EFCC1: variants seen among roughly 807,000 people sequenced by gnomAD.
EFCC1 encodes the protein EF-hand and coiled-coil domain-containing protein 1.
Under a neutral mutation model 52.1 loss-of-function variants are expected in EFCC1, and 50 were observed. The ratio of observed to expected loss-of-function variants is 0.96; its 90% CI spans 0.76 to 1.21. EFCC1 has a LOEUF of 1.21. EFCC1 is among the 50% of genes most tolerant of loss of function. EFCC1 has a pLI of 0.00. For synonymous variants in EFCC1, 399 were observed against 396.5 expected (o/e 1.01, Z -0.08); for missense variants, 837 against 867.3 (o/e 0.97, Z 0.44).
At position 129,001,699 on chromosome 3, in the gene EFCC1, C is replaced by A. The variant is rs991820304; in HGVS notation, c.71C>A (p.Ala24Glu). The A allele has an allele frequency of 6.7e-7, 1 of 1,498,198 alleles. No homozygotes were observed. The allele number at this position is 1,498,198 out of a possible 1,614,324, so 92.8% of individuals were successfully genotyped here. ...GGAGGTGACCCGTACCGGCGACCTG[C>A]GCGGCGCACGCAGTGGCTGCTGAGC... Reference protein sequence around the residue: ...GAGGDPYRRPARRTQWLLSAL... With the variant: ...GAGGDPYRRPERRTQWLLSAL... Residue 24 changes from alanine (A) to glutamate (E), a missense_variant, in exon 1 of 8, where the codon GCG becomes GAG. Physicochemically the swap from Ala to Glu is moderately radical, Grantham distance 107. Transcript: ENST00000683648.
chr3:129,001,814 C>T lies in EFCC1; in HGVS notation c.186C>T (p.Val62=), dbSNP rs1469660785. 1 of 1,545,502 alleles carries T rather than the reference C, an allele frequency of 6.5e-7. No homozygotes were observed. Among genetic ancestry groups the T allele is most frequent in the Non-Finnish European group, 8.7e-7 (1 of 1,145,804 alleles). The change falls in exon 1 of 8, where the codon GTC becomes GTT. Residue 62 remains valine, a synonymous_variant. Coordinates refer to ENST00000683648, the MANE Select transcript of EFCC1 (RefSeq NM_001377500.1). ...GCCTGGACCAGTACCTGCAGGAGGT[C>T]TTCCACCACCTGGACTGCCGCGGCG... ...ATGLDQYLQE[V]FHHLDCRGAG...
At chr3:129,030,936 C>G (rs943114315) in intron 3 of EFCC1, 76 bp downstream of exon 3, 2 of 1,447,896 alleles carry the variant, frequency 1.4e-6, no homozygotes, top group African/African-American at 2.8e-5. Context: ...CTCTCAAGGG[C>G]CTGTCTGCAT....
At chr3:129,022,229 C>T (rs945678359) in intron 2 of EFCC1, among the ~76,000 whole-genome samples, 4 of 152,212 alleles carry the variant, frequency 2.6e-5, no homozygotes, top group Non-Finnish European at 5.9e-5. Context: ...CATAGGACCG[C>T]CAGGCCCAGC....
Position 129,032,872 on chromosome 3 carries a change from G to A in EFCC1, c.1192G>A (p.Glu398Lys), listed in dbSNP as rs1946299129. The A allele has an allele frequency of 6.4e-7, 1 of 1,551,414 alleles. No individual in the cohort carries two copies. The highest frequency in any genetic ancestry group is 2.4e-5 in the East Asian group (1 of 40,936). ...GGAGGGCCAGGCCGCCTCTGACGAG[G>A]AGGAGGTGGAGGAGGAGAGGTGGCA... ...SVEGQAASDE[E>K]EVEEERWQEE... is the part of the protein sequence containing the mutation. Residue 398 changes from glutamate (E) to lysine (K), a missense_variant, in exon 4 of 8, where the codon GAG (glutamate) becomes AAG (lysine). Coordinates refer to ENST00000683648, the MANE Select transcript of EFCC1 (RefSeq NM_001377500.1).
At chr3:129,012,882 A>T (rs984261135) in intron 2 of EFCC1, among the ~76,000 whole-genome samples, 6 of 152,146 alleles carry the variant, frequency 3.9e-5, no homozygotes, top group Non-Finnish European at 8.8e-5. Flanking sequence ...GGCATTGGGC[A>T]TTTTTTTATG....
At chr3:129,002,975 G>A (rs149208768) in intron 1 of EFCC1, among the ~76,000 whole-genome samples, 153 of 152,280 alleles carry the variant, frequency 1.0e-3, no homozygotes, top group African/African-American at 3.6e-3. Context: ...TTAGCATCTG[G>A]GAGCCGTCGA....
Position 129,014,902 on chromosome 3 carries a change from A to C in EFCC1, c.980+10825A>C, listed in dbSNP as rs532721946. Among the ~76,000 whole-genome samples, 12 of 152,208 alleles carry C rather than the reference A, an allele frequency of 7.9e-5. No homozygotes were observed. The highest frequency in any genetic ancestry group is 3.4e-3 in the Middle Eastern group (1 of 294). The stretch of plus-strand genomic sequence containing the variant: ...GGTGAAGAGCCCTCCTCACCTGTAC[A>C]CACGGAGTCCTGCTAAGTCTCAGCT... On this transcript the variant is annotated intron_variant, in intron 2 of 7. Coordinates refer to ENST00000683648, the MANE Select transcript of EFCC1 (RefSeq NM_001377500.1). This position sits in a 1 kb window ranked among gnomAD's most constrained non-coding sequence, Gnocchi z 4.3.
intron 4 of EFCC1, among the ~76,000 whole-genome samples, chr3:129,033,280 C>A (rs1290812453): frequency 6.6e-6 from 1 of 152,196 alleles, no homozygotes; most frequent in Non-Finnish European, 1.5e-5. Flanking sequence ...CAACCCATCA[C>A]CCCTCGCCAC....
At chr3:129,038,222 AGTGGGCT>A (rs1946380887) in intron 6 of EFCC1, among the ~76,000 whole-genome samples, 1 of 152,216 alleles carries the variant, frequency 6.6e-6, no homozygotes, top group Admixed American at 6.5e-5. Context: ...GGGGCTCTGA[AGTGGGCT>A]GTGCCCTGTG....
chr3:129,040,688 C>CA lies in EFCC1; in HGVS notation c.*841dup, dbSNP rs1401937047. On this transcript the variant is annotated 3_prime_UTR_variant, in exon 8 of 8. Transcript: ENST00000683648. The surrounding 1 kb of genome is among the most constrained non-coding windows in gnomAD (Gnocchi z 4.4). ...AGAAAGATCCATTGCCAAACAGTGC[C>CA]ATGGGGGTGAAACCAGTGCTAAATG... is the stretch of plus-strand genomic sequence containing the variant. 6.6e-6 allele frequency: 1 copy of CA among 152,210 alleles called. No individual in the cohort carries two copies. Among genetic ancestry groups the CA allele is most frequent in the African/African-American group, 2.4e-5 (1 of 41,434 alleles). 9.4% of individuals were successfully genotyped at this position (152,210 alleles called of 1,614,324 possible). A position where few individuals can be genotyped will look rare whatever the true frequency, so the allele number is the denominator to read the frequency against.
At chr3:129,009,060 G>C in intron 2 of EFCC1, among the ~76,000 whole-genome samples, 1 of 152,040 alleles carries the variant, frequency 6.6e-6, no homozygotes, top group East Asian at 1.9e-4. Context: ...GCTTCATGTG[G>C]AAAATTTGAC....
intron 2 of EFCC1, among the ~76,000 whole-genome samples, chr3:129,021,225 T>C (rs923124110): frequency 6.6e-6 from 1 of 152,226 alleles, no homozygotes; most frequent in Non-Finnish European, 1.5e-5. Flanking sequence ...TTCGTCATGA[T>C]GATCTGAGAC....
Position 129,034,296 on chromosome 3 carries a change from C to T in EFCC1, c.1419C>T (p.Cys473=), listed in dbSNP as rs749784255. The part of the protein sequence containing the change: ...MLVEQLRTQG[C]GGRTLGTSEE... Reference sequence around the variant, plus strand: ...TGGAGCAGCTGAGGACTCAGGGCTGCGGTGGGAGGACCCTGGGGACCTCTG... The same window carrying T: ...TGGAGCAGCTGAGGACTCAGGGCTGTGGTGGGAGGACCCTGGGGACCTCTG... Residue 473 remains cysteine (C), a synonymous_variant, in exon 5 of 8, where the codon TGC becomes TGT. Coordinates refer to ENST00000683648, the MANE Select transcript of EFCC1 (RefSeq NM_001377500.1). 2.9e-5 allele frequency: 47 copies of T among 1,613,896 alleles called. 1 individual carries two copies. The highest frequency in any genetic ancestry group is 3.7e-5 in the Non-Finnish European group (44 of 1,180,012).
intron 3 of EFCC1, among the ~76,000 whole-genome samples, chr3:129,032,332 G>C (rs1559974943): frequency 6.6e-6 from 1 of 152,020 alleles, no homozygotes; most frequent in Admixed American, 6.6e-5. Flanking sequence ...CACAAACAGG[G>C]CCTGGCTTGT....
At chr3:129,037,216 A>C in intron 6 of EFCC1, 99 bp downstream of exon 6, 1 of 1,416,724 alleles carries the variant, frequency 7.1e-7, no homozygotes, top group Non-Finnish European at 9.2e-7. Context: ...CTCTCCTTAC[A>C]GTAGGCAGCT....
chr3:129,034,270 G>A lies in EFCC1; in HGVS notation c.1393G>A (p.Val465Met), dbSNP rs770539263. The A allele has an allele frequency of 1.2e-6, 2 of 1,614,040 alleles. No homozygotes were observed. Among genetic ancestry groups the A allele is most frequent in the South Asian group, 1.1e-5 (1 of 91,088 alleles). ...GCTGGAGGCCTGCATTGCCATGCTG[G>A]TGGAGCAGCTGAGGACTCAGGGCTG... The part of the protein sequence containing the change: ...GELEACIAML[V>M]EQLRTQGCGG... Residue 465 changes from valine to methionine, a missense_variant, in exon 5 of 8, where the codon GTG becomes ATG. Val to Met is a conservative substitution (Grantham distance 21). Coordinates refer to ENST00000683648, the MANE Select transcript of EFCC1 (RefSeq NM_001377500.1).
At position 129,014,822 on chromosome 3, in the gene EFCC1, T is replaced by C. The variant is rs1945499839; in HGVS notation, c.980+10745T>C. On this transcript the variant is annotated intron_variant, in intron 2 of 7. Coordinates refer to ENST00000683648, the MANE Select transcript of EFCC1 (RefSeq NM_001377500.1). This position sits in a 1 kb window ranked among gnomAD's most constrained non-coding sequence, Gnocchi z 4.3. ...ACTGCCTGCACGGGGACGAGCAGGT[T>C]GGAGCCAGCCTGGATGCCGAGGGGC... 6.6e-6 allele frequency among the ~76,000 whole-genome samples: 1 copy of C among 152,120 alleles called. No individual in the cohort carries two copies. The highest frequency in any genetic ancestry group is 2.1e-4 in the South Asian group (1 of 4,826).
At chr3:129,022,087 C>G (rs973310843) in intron 2 of EFCC1, among the ~76,000 whole-genome samples, 6 of 152,200 alleles carry the variant, frequency 3.9e-5, no homozygotes, top group African/African-American at 1.4e-4. Context: ...TAAGCATTTA[C>G]CAAGCTTCAG....
chr3:129,023,307 CTTCT>C (rs1384152888), intron 2 of EFCC1, among the ~76,000 whole-genome samples: 1 of 136,222 alleles, frequency 7.3e-6, no homozygotes, highest in Non-Finnish European at 1.6e-5. Flanking sequence ...TGGCCTCTTG[CTTCT>C]TTTTTTTTTT....
Sources: gnomAD v4.1 joint callset for allele counts (sites outside exome capture counted in the v4.1 genomes callset) on GRCh38, gnomAD v4.1.1 for gene constraint, Gnocchi (gnomAD v3.1) non-coding constraint, MANE v1.5 for transcripts, NCBI Gene and HGNC (gene_info 2026-07-23, HGNC 2026-07-21) for gene names.